Variants in FNDC3B observed in about 807,000 individuals in gnomAD.
FNDC3B encodes fibronectin type III domain-containing protein 3B.
A neutral mutation model predicts 151.5 loss-of-function variants in FNDC3B; 12 were observed. The observed-to-expected ratio is 0.08, with a 90% CI of 0.05 to 0.13. FNDC3B has a LOEUF of 0.13. Among genes scored for constraint, FNDC3B ranks in the 10% least tolerant of loss-of-function variants. FNDC3B has a pLI of 1.00. For missense variants in FNDC3B, 1,214 were observed against 1,505.3 expected (o/e 0.81, Z 3.20); for synonymous variants, 528 against 549.0 (o/e 0.96, Z 0.54).
At chr3:172,347,395 G>A (rs750052118) in intron 21 of FNDC3B, 34 bp downstream of exon 21, 3 of 1,564,992 alleles carry the variant, frequency 1.9e-6, no homozygotes, top group South Asian at 1.2e-5. Context: ...TACTCACAAG[G>A]ACTGCTGTCC....
intron 3 of FNDC3B, among the ~76,000 whole-genome samples, chr3:172,206,659 CAAAAAAAAAAAAAAAAAAAA>C (rs57377409): frequency 3.7e-5 from 2 of 54,480 alleles, no homozygotes; most frequent in African/African-American, 1.4e-4. Flanking sequence ...AACTCCATCT[CAAAAAAAAAAAAAAAAAAAA>C]AAAAAAAAGT....
At chr3:172,311,345 C>A (rs896766438) in intron 11 of FNDC3B, among the ~76,000 whole-genome samples, 7 of 152,168 alleles carry the variant, frequency 4.6e-5, no homozygotes, top group Admixed American at 1.3e-4. Context: ...ACATAGAAGT[C>A]ACATTCTACC....
rs538190969 is a variant in FNDC3B at position 172,108,188 on chromosome 3, G to T, written c.-28-4264G>T. On this transcript the variant is annotated intron_variant, in intron 1 of 25. Transcript: ENST00000415807. The stretch of plus-strand genomic sequence containing the variant: ...GTCTCAAAAAAAAGAAAAAAAAAAA[G>T]TAGAGGTGGGGTGATAATAGCTCTG... Among the ~76,000 whole-genome samples the T allele has an allele frequency of 4.9e-3, 699 of 141,612 alleles. 3 individuals are homozygous for T. Among genetic ancestry groups the T allele is most frequent in the African/African-American group, 0.019 (648 of 34,930 alleles). The allele number at this position is 141,612 out of a possible 152,430, so 92.9% of individuals were successfully genotyped here.
At chr3:172,140,851 T>G (rs1721591606) in intron 3 of FNDC3B, among the ~76,000 whole-genome samples, 1 of 152,250 alleles carries the variant, frequency 6.6e-6, no homozygotes, top group African/African-American at 2.4e-5. Flanking sequence ...TCTTGATTTT[T>G]ATGTTTATTC....
chr3:172,272,537 C>T (rs1729247065), intron 6 of FNDC3B, among the ~76,000 whole-genome samples: 1 of 152,062 alleles, frequency 6.6e-6, no homozygotes, highest in Non-Finnish European at 1.5e-5. Context: ...TTCAGACCCA[C>T]CTGGAAATGA....
chr3:172,256,136 G>A (rs189696304), intron 6 of FNDC3B, among the ~76,000 whole-genome samples: 1 of 152,228 alleles, frequency 6.6e-6, no homozygotes, highest in Non-Finnish European at 1.5e-5. Context: ...CACCTCTTGT[G>A]GCCCTTCACA....
At chr3:172,145,703 A>G (rs567053590) in intron 3 of FNDC3B, among the ~76,000 whole-genome samples, 2 of 152,334 alleles carry the variant, frequency 1.3e-5, no homozygotes, top group East Asian at 3.9e-4. Context: ...GTTAAAGAGC[A>G]TCTGTACTTA....
intron 1 of FNDC3B, among the ~76,000 whole-genome samples, chr3:172,072,066 T>G (rs907076730): frequency 6.6e-6 from 1 of 150,494 alleles, no homozygotes; most frequent in African/African-American, 2.5e-5. Context: ...TCATCCTTCA[T>G]TTTCTTCAAT....
At chr3:172,084,920 A>T (rs1576847900) in intron 1 of FNDC3B, among the ~76,000 whole-genome samples, 1 of 152,236 alleles carries the variant, frequency 6.6e-6, no homozygotes, top group Non-Finnish European at 1.5e-5. Context: ...CTTAATGAGA[A>T]CAAGAATTTT....
chr3:172,247,384 G>C (rs1269067250), intron 4 of FNDC3B, 149 bp from the exon 5 acceptor site: 1 of 780,354 alleles, frequency 1.3e-6, no homozygotes, highest in African/African-American at 1.8e-5. Context: ...TCATTTGACT[G>C]GTTGAACTAG....
chr3:172,354,720 C>A (rs1734007353), intron 22 of FNDC3B, among the ~76,000 whole-genome samples: 1 of 151,948 alleles, frequency 6.6e-6, no homozygotes, highest in South Asian at 2.1e-4. Flanking sequence ...TTGGCCCAAT[C>A]AACTTTTATT....
intron 15 of FNDC3B, chr3:172,335,921 T>G (rs1052188752): frequency 1.2e-4 from 19 of 152,118 alleles, no homozygotes; most frequent in African/African-American, 4.6e-4. Context: ...AGTTACCTAA[T>G]AATTGTGAGA....
intron 4 of FNDC3B, among the ~76,000 whole-genome samples, chr3:172,245,956 GTTCA>G (rs1287466031): frequency 2.0e-5 from 3 of 151,980 alleles, no homozygotes; most frequent in African/African-American, 7.3e-5. Flanking sequence ...ATTAATGGCC[GTTCA>G]TTCAATCTAA....
chr3:172,129,228 C>T (rs1405916412), intron 2 of FNDC3B, among the ~76,000 whole-genome samples: 4 of 152,194 alleles, frequency 2.6e-5, no homozygotes, highest in Non-Finnish European at 4.4e-5. Context: ...CCGTCTCAGC[C>T]TCCCAAAGCA....
intron 3 of FNDC3B, among the ~76,000 whole-genome samples, chr3:172,226,084 G>A (rs542632324): frequency 2.5e-4 from 38 of 152,140 alleles, no homozygotes; most frequent in Non-Finnish European, 4.4e-4. Context: ...AAGGCAGGCG[G>A]GTCTTGAGGT....
intron 6 of FNDC3B, among the ~76,000 whole-genome samples, chr3:172,259,946 G>A (rs572886326): frequency 1.3e-5 from 2 of 152,246 alleles, no homozygotes; most frequent in East Asian, 3.9e-4. Flanking sequence ...AAAATAATTC[G>A]TTGAGTTTTC....
At chr3:172,260,131 T>C (rs1728572062) in intron 6 of FNDC3B, among the ~76,000 whole-genome samples, 1 of 152,276 alleles carries the variant, frequency 6.6e-6, no homozygotes, top group Non-Finnish European at 1.5e-5. Flanking sequence ...ATAAATGTCA[T>C]CCCAAAGAAC....
chr3:172,051,043 C>G (rs899740456), intron 1 of FNDC3B, among the ~76,000 whole-genome samples: 1 of 151,536 alleles, frequency 6.6e-6, no homozygotes, highest in African/African-American at 2.4e-5. Flanking sequence ...TTGTTATGTT[C>G]CAGAGCCATC....
intron 13 of FNDC3B, among the ~76,000 whole-genome samples, chr3:172,331,359 T>C (rs934938392): frequency 2.0e-5 from 3 of 152,108 alleles, no homozygotes; most frequent in Non-Finnish European, 4.4e-5. Context: ...CTGTTCTTTT[T>C]GTTTTGTTTT....
Sources: gnomAD v4.1 joint callset for allele counts (sites outside exome capture counted in the v4.1 genomes callset) on GRCh38, gnomAD v4.1.1 for gene constraint, MANE v1.5 for transcripts, NCBI Gene and HGNC (gene_info 2026-07-23, HGNC 2026-07-21) for gene names.